The following SOD2 variants were observed in gnomAD, a reference collection of about 807,000 sequenced individuals.
SOD2 encodes superoxide dismutase 2.
SOD2 carries 11 observed loss-of-function variants against 27.0 expected under a neutral mutation model. The observed-to-expected ratio is 0.41, with a 90% CI of 0.26 to 0.67. The LOEUF (loss-of-function observed/expected upper bound fraction) is 0.67. Ranked by LOEUF, SOD2 falls within the 30% of genes least tolerant of loss-of-function variation. SOD2 has a pLI of 0.34. For synonymous variants in SOD2, 105 were observed against 103.0 expected (o/e 1.02, Z -0.12); for missense variants, 250 against 274.5 (o/e 0.91, Z 0.63).
At position 159,670,928 on chromosome 6, in the gene SOD2, C is replaced by T. The variant is rs1779642161; in HGVS notation, c.*11565G>A. 6.6e-6 allele frequency: 1 copy of T among 152,338 alleles called. No individual in the cohort carries two copies. The highest frequency in any genetic ancestry group is 6.5e-5 in the Admixed American group (1 of 15,280). 9.4% of individuals were successfully genotyped at this position (152,338 alleles called of 1,614,324 possible). On this transcript the variant is annotated 3_prime_UTR_variant, in exon 5 of 5. Transcript: ENST00000538183. Reference sequence around the variant, plus strand: ...TTTCCAATGGTCTTAGCAAACGGCACACCAGGAGATTATATCCTGTGCCTA... The same window carrying T: ...TTTCCAATGGTCTTAGCAAACGGCATACCAGGAGATTATATCCTGTGCCTA...
At chr6:159,707,303 C>A (rs1315516227) in intron 1 of SOD2, among the ~76,000 whole-genome samples, 6 of 151,966 alleles carry the variant, frequency 3.9e-5, no homozygotes, top group South Asian at 2.1e-4. Context: ...ACACAAAAAA[C>A]CCTTCAAAAA....
chr6:159,684,324 A>G (rs1366597748), intron 4 of SOD2, among the ~76,000 whole-genome samples: 1 of 152,202 alleles, frequency 6.6e-6, no homozygotes, highest in African/African-American at 2.4e-5. Flanking sequence ...AGGGTTAATA[A>G]GTAAAACATT....
upstream of SOD2, among the ~76,000 whole-genome samples, chr6:159,731,630 CTG>C (rs1400299890): frequency 6.6e-6 from 1 of 152,164 alleles, no homozygotes; most frequent in Non-Finnish European, 1.5e-5. Flanking sequence ...TCAAGAAACA[CTG>C]AGTCTGTGTT....
chr6:159,712,299 C>G (rs1052488305), intron 1 of SOD2, among the ~76,000 whole-genome samples: 2 of 148,970 alleles, frequency 1.3e-5, no homozygotes, highest in Non-Finnish European at 3.0e-5. Flanking sequence ...ACCATAACCA[C>G]CTCCATAACC....
At chr6:159,741,488 A>G (rs1444575939) in intron 1 of SOD2, 1 of 152,216 alleles carries the variant, frequency 6.6e-6, no homozygotes, top group East Asian at 1.9e-4. Context: ...TGGACAACAT[A>G]TGAAAGCAGC....
intron 1 of SOD2, among the ~76,000 whole-genome samples, chr6:159,698,438 G>A (rs912740823): frequency 6.6e-6 from 1 of 151,600 alleles, no homozygotes; most frequent in Non-Finnish European, 1.5e-5. Flanking sequence ...CAGGCATGGT[G>A]GCAAGCACCT....
At position 159,677,912 on chromosome 6, in the gene SOD2, G is replaced by T. The variant is rs571266095; in HGVS notation, c.*4581C>A. 6 of 152,310 alleles carry T rather than the reference G, an allele frequency of 3.9e-5. No homozygotes were observed. Among genetic ancestry groups the T allele is most frequent in the African/African-American group, 1.4e-4 (6 of 41,568 alleles). The allele number at this position is 152,310 out of a possible 1,614,324, so 9.4% of individuals were successfully genotyped here. On this transcript the variant is annotated 3_prime_UTR_variant, in exon 5 of 5. Coordinates refer to ENST00000538183, the MANE Select transcript of SOD2 (RefSeq NM_000636.4). ...AGTATCTTTGGTTTGCCAATGAAATGATTGGTGGCTGGGAGCCTCTAGGTA... is the reference window on the plus strand; with the variant it reads ...AGTATCTTTGGTTTGCCAATGAAATTATTGGTGGCTGGGAGCCTCTAGGTA...
chr6:159,748,555 T>G, upstream of SOD2: 4 of 1,357,084 alleles, frequency 2.9e-6, no homozygotes, highest in Non-Finnish European at 2.9e-6. This position sits in a 1 kb window ranked among gnomAD's most constrained non-coding sequence, Gnocchi z 5.6. Context: ...ACCTTGTGTT[T>G]CAGCTTTTTT....
chr6:159,706,187 T>G (rs983774679), intron 1 of SOD2, among the ~76,000 whole-genome samples: 1 of 152,164 alleles, frequency 6.6e-6, no homozygotes, highest in Non-Finnish European at 1.5e-5. Context: ...AGACCATCGA[T>G]GCCAGGAAGA....
At chr6:159,761,091 T>C in exon 1 of SOD2, 1 of 157,400 alleles carries the variant, frequency 6.4e-6, no homozygotes, top group South Asian at 1.6e-4. Flanking sequence ...TAATGTAGGT[T>C]TCCAGGATTT....
chr6:159,721,921 T>C (rs1044222767), intron 1 of SOD2, among the ~76,000 whole-genome samples: 1 of 152,178 alleles, frequency 6.6e-6, no homozygotes, highest in East Asian at 1.9e-4. Context: ...AGTCCATTGA[T>C]AGTCCTTGTC....
rs1778025584 is a variant in SOD2, at chr6:159,720,909, TGCAA to T, written c.-116+6216_-116+6219del. Among the ~76,000 whole-genome samples, 10 of 143,100 alleles carry T rather than the reference TGCAA, an allele frequency of 7.0e-5. 1 individual carries two copies. In the South Asian group the frequency reaches 2.3e-3, roughly 33 times the overall value. 93.9% of individuals were successfully genotyped at this position (143,100 alleles called of 152,430 possible). On this transcript the variant is annotated intron_variant, in intron 1 of 2. Coordinates refer to the SOD2 transcript ENST00000401980. The stretch of plus-strand genomic sequence containing the variant: ...TCTTGTTGTGTCGCCCAGGCTGTAG[TGCAA>T]TGGCGCGATCTCGGCTCAGTGCAAC...
At chr6:159,749,132 A>C (rs11962969), upstream of SOD2, 850 of 986,156 alleles carry the variant, frequency 8.6e-4, 7 homozygotes, top group African/African-American at 0.014. Flanking sequence ...AACTGTAGAT[A>C]ATCTTACTGA....
intron 1 of SOD2, chr6:159,755,444 C>T (rs1001862653): frequency 1.2e-6 from 2 of 1,614,028 alleles, no homozygotes; most frequent in Non-Finnish European, 1.7e-6. Flanking sequence ...TGTAGACTCT[C>T]CCACGGGCAG....
upstream of SOD2, among the ~76,000 whole-genome samples, chr6:159,693,655 C>G (rs866091735): frequency 6.6e-6 from 1 of 152,158 alleles, no homozygotes; most frequent in Non-Finnish European, 1.5e-5. Flanking sequence ...GTTGCGCTGC[C>G]GGGGGGCCGC....
intron 1 of SOD2, chr6:159,742,023 A>G (rs566988222): frequency 2.9e-5 from 33 of 1,157,192 alleles, no homozygotes; most frequent in Non-Finnish European, 3.8e-5. Flanking sequence ...GTTTATAGAT[A>G]TCTTCTAGTT....
chr6:159,687,871 C>T (rs966245719), intron 3 of SOD2, among the ~76,000 whole-genome samples: 4 of 151,462 alleles, frequency 2.6e-5, no homozygotes, highest in South Asian at 2.1e-4. Flanking sequence ...ATTAGCCAGG[C>T]GTGGTGGCGG....
chr6:159,742,192 G>A (rs1779297954), intron 1 of SOD2: 1 of 1,457,754 alleles, frequency 6.9e-7, no homozygotes, highest in Non-Finnish European at 9.4e-7. Context: ...ATCTCCTTTT[G>A]ATTGTTAAAA....
At chr6:159,736,201 C>A in intron 1 of SOD2, 2 of 1,535,168 alleles carry the variant, frequency 1.3e-6, no homozygotes, top group Non-Finnish European at 1.8e-6. Flanking sequence ...ATTTTTTATT[C>A]CTACTTTCAC....
Sources: gnomAD v4.1 joint callset for allele counts (sites outside exome capture counted in the v4.1 genomes callset) on GRCh38, gnomAD v4.1.1 for gene constraint, Gnocchi (gnomAD v3.1) non-coding constraint, MANE v1.5 for transcripts, NCBI Gene and HGNC (gene_info 2026-07-23, HGNC 2026-07-21) for gene names.